The following VPS13A variants were observed in gnomAD, a reference collection of about 807,000 sequenced individuals.
The protein encoded by VPS13A is vacuolar protein sorting 13 homolog A.
Under a neutral mutation model 390.9 loss-of-function variants are expected in VPS13A, and 264 were observed. The ratio of observed to expected loss-of-function variants is 0.68; its 90% CI spans 0.61 to 0.75. VPS13A has a LOEUF of 0.75. VPS13A is among the 30% of genes least tolerant of loss of function. The pLI is 0.00. For missense variants in VPS13A, 3,409 were observed against 3,733.9 expected, an observed-to-expected ratio of 0.91 and a Z score of 2.27; for synonymous variants, 1,231 against 1,227.1, an observed-to-expected ratio of 1.00 and a Z score of -0.07.
intron 29 of VPS13A, among the ~76,000 whole-genome samples, 187 bp from the exon 30 acceptor site, chr9:77,283,168 T>C (rs1447093743): frequency 6.6e-6 from 1 of 152,182 alleles, no homozygotes; most frequent in African/African-American, 2.4e-5. Context: ...TTGTTTTTGT[T>C]AGATTTTATT....
chr9:77,210,185 T>TCTC (rs1825893755), intron 6 of VPS13A, among the ~76,000 whole-genome samples: 2 of 85,794 alleles, frequency 2.3e-5, no homozygotes, highest in East Asian at 4.7e-4. Context: ...CTCTCTCTCT[T>TCTC]TCTCTTTCTC....
chr9:77,321,832 G>A (rs1829766822), intron 44 of VPS13A, 86 bp downstream of exon 44: 4 of 1,516,676 alleles, frequency 2.6e-6, no homozygotes, highest in Non-Finnish European at 3.6e-6. Flanking sequence ...TAGAATCTTA[G>A]CAAGGTTTTT....
At chr9:77,362,851 T>G (rs1344029010) in intron 59 of VPS13A, among the ~76,000 whole-genome samples, 3 of 152,202 alleles carry the variant, frequency 2.0e-5, no homozygotes, top group African/African-American at 7.2e-5. Flanking sequence ...TTTATTCCTA[T>G]GTATTATATT....
At chr9:77,327,180 T>C (rs1019314176) in intron 45 of VPS13A, among the ~76,000 whole-genome samples, 2 of 152,182 alleles carry the variant, frequency 1.3e-5, no homozygotes, top group Admixed American at 6.5e-5. Context: ...TGGTTTGATG[T>C]TTGTTGTTTT....
At chr9:77,289,697 A>G (rs765733348) in intron 31 of VPS13A, among the ~76,000 whole-genome samples, 1 of 148,774 alleles carries the variant, frequency 6.7e-6, no homozygotes, top group East Asian at 2.0e-4. Context: ...GATGTTTTAT[A>G]TTTTTCTTCA....
intron 31 of VPS13A, among the ~76,000 whole-genome samples, chr9:77,290,036 C>A (rs1827556798): frequency 6.6e-6 from 1 of 152,118 alleles, no homozygotes; most frequent in African/African-American, 2.4e-5. Context: ...CCCACCTAGG[C>A]CCCCCAGAGT....
intron 46 of VPS13A, among the ~76,000 whole-genome samples, chr9:77,332,472 A>G (rs1830327130): frequency 6.6e-6 from 1 of 151,898 alleles, no homozygotes; most frequent in South Asian, 2.1e-4. Flanking sequence ...GTTTTATAAT[A>G]CAATTTTTTT....
At chr9:77,250,488 G>A (rs1165325400) in intron 21 of VPS13A, among the ~76,000 whole-genome samples, 1 of 152,118 alleles carries the variant, frequency 6.6e-6, no homozygotes, top group East Asian at 1.9e-4. Context: ...GTAAAGGTGA[G>A]GGATACTACT....
chr9:77,236,649 T>C (rs1824163846), intron 17 of VPS13A, among the ~76,000 whole-genome samples: 1 of 152,212 alleles, frequency 6.6e-6, no homozygotes. Flanking sequence ...GCTGTATTAG[T>C]GTTTGCTCTA....
chr9:77,395,009 G>T (rs1834064430), intron 68 of VPS13A, among the ~76,000 whole-genome samples: 1 of 152,142 alleles, frequency 6.6e-6, no homozygotes, highest in Non-Finnish European at 1.5e-5. Flanking sequence ...CAATCAGGCT[G>T]TTTTGCTTTC....
At chr9:77,270,042 G>A (rs796208748) in intron 23 of VPS13A, among the ~76,000 whole-genome samples, 2 of 152,188 alleles carry the variant, frequency 1.3e-5, no homozygotes, top group South Asian at 4.1e-4. Flanking sequence ...TGAGAACATA[G>A]ATTTCTGTTG....
chr9:77,302,776 TGATA>T (rs1250040991), intron 33 of VPS13A, 135 bp from the exon 34 acceptor site: 1 of 888,868 alleles, frequency 1.1e-6, no homozygotes, highest in East Asian at 2.7e-5. Context: ...AAAAAAAGTC[TGATA>T]GATATTTTCC....
Position 77,221,287 on chromosome 9 carries a change from A to C in VPS13A, c.1092A>C (p.Gln364His). 1 of 1,613,562 alleles carries C rather than the reference A, an allele frequency of 6.2e-7. No homozygotes were observed. The change falls in exon 13 of 72, where the codon CAA becomes CAC. Residue 364 changes from glutamine to histidine, a missense_variant. Around this residue, in one of 5 missense-constraint regions of VPS13A, gnomAD observed 2,717 missense variants for 2,917.4 expected, o/e 0.93. Transcript: ENST00000360280. ...HIRKHRQKVK[Q>H]YKELYKKKLT... Reference sequence around the variant, plus strand: ...GAAAACATAGGCAAAAAGTGAAGCAATATAAAGAACTGTATAAAAAAAAGT... The same window carrying C: ...GAAAACATAGGCAAAAAGTGAAGCACTATAAAGAACTGTATAAAAAAAAGT...
intron 71 of VPS13A, among the ~76,000 whole-genome samples, chr9:77,414,001 C>T (rs1177047481): frequency 6.6e-6 from 1 of 152,236 alleles, no homozygotes; most frequent in Non-Finnish European, 1.5e-5. Context: ...GCTCACATCA[C>T]TGGCCATCAG....
At chr9:77,226,720 A>T (rs1823539349) in intron 15 of VPS13A, 122 bp downstream of exon 15, 1 of 822,970 alleles carries the variant, frequency 1.2e-6, no homozygotes, top group Non-Finnish European at 1.7e-6. Context: ...ATATAAAGTT[A>T]TTACAAATAA....
chr9:77,201,638 AAATTG>A (rs1419527677), intron 3 of VPS13A, among the ~76,000 whole-genome samples: 1 of 152,158 alleles, frequency 6.6e-6, no homozygotes, highest in Non-Finnish European at 1.5e-5. Context: ...TTTAGGTGGT[AAATTG>A]AGTTAATTCA....
intron 71 of VPS13A, among the ~76,000 whole-genome samples, chr9:77,412,945 T>C (rs1478869051): frequency 2.0e-5 from 3 of 152,180 alleles, no homozygotes; most frequent in Non-Finnish European, 1.5e-5. Context: ...AGCATTCTTA[T>C]ACACCAATAA....
rs1324766723 is a variant in VPS13A, at chr9:77,416,157, CA to C, written c.*158del. The C allele has an allele frequency of 2.2e-6, 2 of 891,636 alleles. No homozygotes were observed. The highest frequency in any genetic ancestry group is 3.4e-5 in the African/African-American group (2 of 59,018). The allele number at this position is 891,636 out of a possible 1,614,324, so 55.2% of individuals were successfully genotyped here. A position where few individuals can be genotyped will look rare whatever the true frequency, so the allele number is the denominator to read the frequency against. On this transcript the variant is annotated 3_prime_UTR_variant, in exon 72 of 72. Transcript: ENST00000360280. ...ACAAAAACAAACAAAAAAACAAAAA[CA>C]AAAAAACAAAACCAGAATCAGGTAA...
At chr9:77,193,607 C>G (rs1349118763) in intron 1 of VPS13A, among the ~76,000 whole-genome samples, 2 of 152,156 alleles carry the variant, frequency 1.3e-5, no homozygotes. Flanking sequence ...GCACTCCAGC[C>G]TGGGCGACAG....
Sources: allele counts gnomAD v4.1 joint callset (sites outside exome capture counted in the v4.1 genomes callset), GRCh38; gene constraint gnomAD v4.1.1; regional missense constraint gnomAD v4.1.1; transcripts MANE v1.5; gene names NCBI Gene and HGNC (gene_info 2026-07-23, HGNC 2026-07-21).